TLCD3B: variants seen among roughly 807,000 people sequenced by gnomAD.
TLCD3B encodes TLC domain containing 3B, also known as ceramide synthase.
A neutral mutation model predicts 23.0 loss-of-function variants in TLCD3B; 9 were observed. The observed-to-expected ratio is 0.39, with a 90% CI of 0.24 to 0.68. The LOEUF (loss-of-function observed/expected upper bound fraction) is 0.68, where lower values mean the gene tolerates loss of function less well. Among genes scored for constraint, TLCD3B ranks in the 30% least tolerant of loss-of-function variants. TLCD3B has a pLI of 0.44. For synonymous variants in TLCD3B, 161 were observed against 161.0 expected, an observed-to-expected ratio of 1.00 and a Z score of 0.00; for missense variants, 307 against 371.8, an observed-to-expected ratio of 0.83 and a Z score of 1.43.
intron 2 of TLCD3B, among the ~76,000 whole-genome samples, chr16:30,028,586 C>T (rs961220424): frequency 3.3e-5 from 5 of 152,158 alleles, no homozygotes; most frequent in Admixed American, 6.5e-5. Flanking sequence ...CAATTCCTCT[C>T]GCTGAAGCCC....
Position 30,025,123 on chromosome 16 carries a change from C to G in TLCD3B, c.*60G>C, listed in dbSNP as rs1390924485. On this transcript the variant is annotated 3_prime_UTR_variant, in exon 5 of 5. Transcript: ENST00000380495. This position sits in a 1 kb window ranked among gnomAD's most constrained non-coding sequence, Gnocchi z 4.1. ...CTGGCTCCCAACCCCAGCCATCAGCCCCAGAGCCCTGTCTCCACGGGGGTG... is the reference window on the plus strand; with the variant it reads ...CTGGCTCCCAACCCCAGCCATCAGCGCCAGAGCCCTGTCTCCACGGGGGTG... 1.7e-6 allele frequency: 2 copies of G among 1,205,076 alleles called. No individual in the cohort carries two copies. The highest frequency in any genetic ancestry group is 5.3e-5 in the East Asian group (2 of 37,788). 74.6% of individuals were successfully genotyped at this position (1,205,076 alleles called of 1,614,324 possible).
intron 3 of TLCD3B, among the ~76,000 whole-genome samples, chr16:30,040,207 C>G (rs1249397450): frequency 1.3e-5 from 2 of 148,280 alleles, no homozygotes; most frequent in African/African-American, 5.0e-5. Flanking sequence ...AACCAGGCAG[C>G]CTGCCCTGCT....
Position 30,026,839 on chromosome 16 carries a change from A to G in TLCD3B, c.214T>C (p.Trp72Arg). The G allele has an allele frequency of 6.2e-7, 1 of 1,613,802 alleles. No homozygotes were observed. The highest frequency in any genetic ancestry group is 8.5e-7 in the Non-Finnish European group (1 of 1,179,900). ...AATTGCGTGTAGGCAGAGGACAGCC[A>G]GTGTCTGTTGGGCAGAGAGACGGGG... ...SCKHIIDDQH[W>R]LSSAYTQFAV... Residue 72 changes from tryptophan to arginine, a missense_variant, in exon 3 of 5, where the codon TGG (tryptophan) becomes CGG (arginine). By Grantham distance (101) the Trp-to-Arg change is moderately radical (BLOSUM62 -3). Coordinates refer to ENST00000380495, the MANE Select transcript of TLCD3B (RefSeq NM_031478.6).
Position 30,025,813 on chromosome 16 carries a change from T to C in TLCD3B, c.453A>G (p.Arg151=), listed in dbSNP as rs1200555384. 1.9e-6 allele frequency: 3 copies of C among 1,613,634 alleles called. No homozygotes were observed. The highest frequency in any genetic ancestry group is 1.7e-5 in the Admixed American group (1 of 60,004). The stretch of plus-strand genomic sequence containing the variant: ...CCAGAAAGAAGTCTCCCTTACCCTG[T>C]CGCCACACCTGGGCACAGAGGCAGG... ...LVCFPLSVVW[R]QGKGDFFLGC... The change falls in exon 4 of 5, where the codon CGA becomes CGG. Residue 151 remains arginine, a synonymous_variant. Transcript: ENST00000380495. This position sits in a 1 kb window ranked among gnomAD's most constrained non-coding sequence, Gnocchi z 4.1.
In TLCD3B at chr16:30,024,495, T is replaced by G; in HGVS notation, c.*688A>C. On this transcript the variant is annotated 3_prime_UTR_variant, in exon 5 of 5. Transcript: ENST00000380495. The stretch of plus-strand genomic sequence containing the variant: ...CCTCCCAGGGTCCCCCGACCCCAGA[T>G]TGGAGGAAGCCTTGAGAGGTCAGTA... 1 of 539,066 alleles carries G rather than the reference T, an allele frequency of 1.9e-6. No homozygotes were observed. Among genetic ancestry groups the G allele is most frequent in the Non-Finnish European group, 3.3e-6 (1 of 303,944 alleles). 33.4% of individuals were successfully genotyped at this position (539,066 alleles called of 1,614,324 possible).
rs751371965 is a variant in TLCD3B, at chr16:30,025,592, G to A, written c.541-125C>T. 2.8e-5 allele frequency: 41 copies of A among 1,486,660 alleles called. No individual in the cohort carries two copies. The highest frequency in any genetic ancestry group is 3.7e-5 in the Non-Finnish European group (39 of 1,068,242). The allele number at this position is 1,486,660 out of a possible 1,614,324, so 92.1% of individuals were successfully genotyped here. ...AACCAGACACTTTGCCAGGACACAAGCACCAGGTGCTCAAAATGCACGGGG... is the reference window on the plus strand; with the variant it reads ...AACCAGACACTTTGCCAGGACACAAACACCAGGTGCTCAAAATGCACGGGG... On this transcript the variant is annotated intron_variant, in intron 4 of 4. Coordinates refer to ENST00000380495, the MANE Select transcript of TLCD3B (RefSeq NM_031478.6). This position sits in a 1 kb window ranked among gnomAD's most constrained non-coding sequence, Gnocchi z 4.1.
chr16:30,028,971 G>A lies in TLCD3B; in HGVS notation c.209+461C>T, dbSNP rs72791212. Among the ~76,000 whole-genome samples, 541 of 152,308 alleles carry A rather than the reference G, an allele frequency of 3.6e-3. 2 individuals are homozygous for A. Among genetic ancestry groups the A allele is most frequent in the Non-Finnish European group, 5.3e-3 (362 of 68,020 alleles). On this transcript the variant is annotated intron_variant, in intron 2 of 4. Coordinates refer to ENST00000380495, the MANE Select transcript of TLCD3B (RefSeq NM_031478.6). ...ATCCCCTCCCGCACTGCCTGGCCGTGTGTGGCCTTGTGCGTGTCATCTCTC... is the reference window on the plus strand; with the variant it reads ...ATCCCCTCCCGCACTGCCTGGCCGTATGTGGCCTTGTGCGTGTCATCTCTC...
intron 1 of TLCD3B, 90 bp downstream of exon 1, chr16:30,030,313 C>T (rs1373935370): frequency 1.1e-5 from 15 of 1,348,126 alleles, no homozygotes; most frequent in South Asian, 8.3e-5. Context: ...AGTCCCCCAC[C>T]GCTGAGGGTC....
chr16:30,028,977 C>A (rs1261731272), intron 2 of TLCD3B, among the ~76,000 whole-genome samples: 2 of 152,176 alleles, frequency 1.3e-5, no homozygotes, highest in African/African-American at 4.8e-5. Context: ...CCGTGTGTGG[C>A]CTTGTGCGTG....
At chr16:30,037,377 T>C (rs1386876576) in intron 3 of TLCD3B, among the ~76,000 whole-genome samples, 1 of 151,304 alleles carries the variant, frequency 6.6e-6, no homozygotes, top group Non-Finnish European at 1.5e-5. Flanking sequence ...CCTGTCTCTA[T>C]TAAAAATACA....
At chr16:30,040,074 C>A (rs1394836211) in intron 3 of TLCD3B, among the ~76,000 whole-genome samples, 1 of 145,936 alleles carries the variant, frequency 6.9e-6, no homozygotes, top group Non-Finnish European at 1.5e-5. Flanking sequence ...GCGGAGGTTG[C>A]AGTGATCCGA....
intron 1 of TLCD3B, among the ~76,000 whole-genome samples, chr16:30,052,556 G>T (rs2071779794): frequency 6.6e-6 from 1 of 151,408 alleles, no homozygotes; most frequent in South Asian, 2.1e-4. Flanking sequence ...AATTAGCCGG[G>T]TGTGGTAGTG....
At chr16:30,047,724 G>T (rs1026523461) in intron 1 of TLCD3B, among the ~76,000 whole-genome samples, 4 of 151,682 alleles carry the variant, frequency 2.6e-5, no homozygotes, top group African/African-American at 9.7e-5. Context: ...CTCCCAAAAT[G>T]CAGGGATTAC....
intron 1 of TLCD3B, among the ~76,000 whole-genome samples, chr16:30,049,654 G>A (rs1232241127): frequency 1.3e-5 from 2 of 152,194 alleles, no homozygotes; most frequent in Admixed American, 6.5e-5. Context: ...ACAGCCAGGC[G>A]CAGTAGCTCA....
chr16:30,034,041 G>T (rs1469563338), upstream of TLCD3B, among the ~76,000 whole-genome samples: 1 of 151,518 alleles, frequency 6.6e-6, no homozygotes, highest in African/African-American at 2.4e-5. Flanking sequence ...AGGAAGCCAA[G>T]GCAGGAGGAT....
At chr16:30,031,910 G>A (rs1297918336), upstream of TLCD3B, among the ~76,000 whole-genome samples, 1 of 152,186 alleles carries the variant, frequency 6.6e-6, no homozygotes, top group Non-Finnish European at 1.5e-5. Flanking sequence ...TGGAAGAAGG[G>A]GAAACGGTGG....
intron 1 of TLCD3B, among the ~76,000 whole-genome samples, chr16:30,047,707 C>T (rs1159136446): frequency 6.6e-6 from 1 of 151,944 alleles, no homozygotes; most frequent in African/African-American, 2.4e-5. Context: ...GATCCACCCG[C>T]CTCAGCCTCC....
At chr16:30,046,992 G>A (rs79619339) in intron 1 of TLCD3B, among the ~76,000 whole-genome samples, 4,262 of 152,208 alleles carry the variant, frequency 0.028, 95 homozygotes, top group Non-Finnish European at 0.043. Context: ...ATGAGATCTC[G>A]ATCTGTCGTC....
chr16:30,047,475 C>T (rs760033761), intron 1 of TLCD3B, among the ~76,000 whole-genome samples: 4 of 152,168 alleles, frequency 2.6e-5, no homozygotes, highest in Non-Finnish European at 4.4e-5. Context: ...GCACGTGCCG[C>T]CATGCTCGGC....
Sources: gnomAD v4.1 joint callset for allele counts (sites outside exome capture counted in the v4.1 genomes callset) on GRCh38, gnomAD v4.1.1 for gene constraint, Gnocchi (gnomAD v3.1) non-coding constraint, MANE v1.5 for transcripts, NCBI Gene and HGNC (gene_info 2026-07-23, HGNC 2026-07-21) for gene names.